ANK2: variants seen among roughly 807,000 people sequenced by gnomAD.
The protein encoded by ANK2 is ankyrin 2.
Under a neutral mutation model 360.5 loss-of-function variants are expected in ANK2, and 83 were observed. The ratio of observed to expected loss-of-function variants is 0.23; its 90% CI spans 0.19 to 0.28. The LOEUF is 0.28. ANK2 is among the 10% of genes least tolerant of loss of function. ANK2 has a pLI of 1.00. For synonymous variants in ANK2, 1,740 were observed against 1,759.5 expected (o/e 0.99, Z 0.28); for missense variants, 4,201 against 4,795.7 (o/e 0.88, Z 3.66).
At chr4:113,020,851 C>G (rs1290288103) in intron 2 of ANK2, among the ~76,000 whole-genome samples, 1 of 147,552 alleles carries the variant, frequency 6.8e-6, no homozygotes, top group African/African-American at 2.5e-5. Flanking sequence ...TCTACCAAAA[C>G]AAGAAAAGAG....
chr4:112,913,450 A>G (rs2151054542), intron 2 of ANK2, among the ~76,000 whole-genome samples: 1 of 152,334 alleles, frequency 6.6e-6, no homozygotes, highest in South Asian at 2.1e-4. Context: ...TAATGTTAAA[A>G]CAATTGATTT....
chr4:112,845,434 G>C (rs1255049212), intron 1 of ANK2, among the ~76,000 whole-genome samples: 1 of 151,752 alleles, frequency 6.6e-6, no homozygotes, highest in Non-Finnish European at 1.5e-5. Context: ...TTCTTCCTTA[G>C]GTTGCAATTT....
chr4:112,745,189 C>G, the ANK2 span, among the ~76,000 whole-genome samples: 1 of 152,174 alleles, frequency 6.6e-6, no homozygotes, highest in Non-Finnish European at 1.5e-5. Context: ...TACATACATT[C>G]ACCTATTATA....
chr4:113,138,071 C>CAT, intron 1 of ANK2, among the ~76,000 whole-genome samples: 1 of 152,134 alleles, frequency 6.6e-6, no homozygotes. Context: ...ACAAATGATA[C>CAT]ATATTCAGGG....
intron 2 of ANK2, among the ~76,000 whole-genome samples, chr4:113,015,457 C>T (rs548314199): frequency 5.3e-4 from 81 of 152,324 alleles, no homozygotes; most frequent in African/African-American, 1.9e-3. Flanking sequence ...TACCTTGCAG[C>T]TCTCTGTGCC....
At position 113,363,584 on chromosome 4, in the gene ANK2, A is replaced by T. The variant is rs1407426752; in HGVS notation, c.10888+115A>T. 4 of 1,126,164 alleles carry T rather than the reference A, an allele frequency of 3.6e-6. No homozygotes were observed. The East Asian group carries it at 7.1e-5, about 20-fold the overall frequency. 69.8% of individuals were successfully genotyped at this position (1,126,164 alleles called of 1,614,324 possible). On this transcript the variant is annotated intron_variant, in intron 40 of 45. Coordinates refer to ENST00000357077, the MANE Select transcript of ANK2 (RefSeq NM_001148.6). ...AGCAAATGCCATTAATCTGCAGTAC[A>T]GTGGGTCCTTGAGTAATATCATTTT...
chr4:113,320,042 C>T (rs2085203387), intron 26 of ANK2, among the ~76,000 whole-genome samples: 1 of 152,066 alleles, frequency 6.6e-6, no homozygotes, highest in Non-Finnish European at 1.5e-5. Context: ...CTTCAGTTTG[C>T]AAAATAAATC....
At chr4:113,160,786 A>G (rs1391737185) in intron 1 of ANK2, among the ~76,000 whole-genome samples, 1 of 152,202 alleles carries the variant, frequency 6.6e-6, no homozygotes, top group African/African-American at 2.4e-5. Context: ...CACAACATCT[A>G]GCACAGTGCT....
chr4:113,206,967 T>C (rs2098958106), intron 4 of ANK2, among the ~76,000 whole-genome samples: 1 of 152,122 alleles, frequency 6.6e-6, no homozygotes. Flanking sequence ...GAGGTTGCAG[T>C]GAGCTGAGAT....
chr4:112,935,222 A>G (rs2093632454), intron 2 of ANK2, among the ~76,000 whole-genome samples: 1 of 152,156 alleles, frequency 6.6e-6, no homozygotes, highest in South Asian at 2.1e-4. Context: ...AGGGTGCCAC[A>G]GGAGGGCTTC....
chr4:113,317,551 A>G, intron 24 of ANK2, 156 bp from the exon 25 acceptor site: 1 of 686,940 alleles, frequency 1.5e-6, no homozygotes, highest in Non-Finnish European at 2.7e-6. Flanking sequence ...CAGCTGTTGG[A>G]CAAAAAGGTA....
chr4:113,068,796 C>T (rs1266413605), intron 1 of ANK2, among the ~76,000 whole-genome samples: 1 of 152,170 alleles, frequency 6.6e-6, no homozygotes, highest in East Asian at 1.9e-4. Context: ...CATGGTGGCT[C>T]ATGCCTATAA....
intron 37 of ANK2, among the ~76,000 whole-genome samples, chr4:113,351,717 T>TA (rs36097202): frequency 0.095 from 13,978 of 147,768 alleles, 717 homozygotes; most frequent in Middle Eastern, 0.2. Context: ...GCTCAGTTGT[T>TA]AAAAAAAAAA....
At chr4:113,109,916 A>G (rs866378005) in intron 1 of ANK2, among the ~76,000 whole-genome samples, 2 of 152,208 alleles carry the variant, frequency 1.3e-5, no homozygotes, top group Admixed American at 6.5e-5. Flanking sequence ...AAGCTCAAAC[A>G]TGCTTTACCT....
intron 28 of ANK2, 60 bp downstream of exon 28, chr4:113,332,130 C>T (rs2092607037): frequency 7.1e-7 from 1 of 1,403,326 alleles, no homozygotes; most frequent in Non-Finnish European, 1.0e-6. Context: ...CCTTCTTCTG[C>T]AATATGATTT....
At chr4:113,121,098 T>C (rs1171439862) in intron 1 of ANK2, among the ~76,000 whole-genome samples, 1 of 152,156 alleles carries the variant, frequency 6.6e-6, no homozygotes, top group Non-Finnish European at 1.5e-5. Flanking sequence ...AGTTCACATT[T>C]TCTGAAAAAA....
At chr4:112,809,964 G>A in the ANK2 span, among the ~76,000 whole-genome samples, 2 of 151,368 alleles carry the variant, frequency 1.3e-5, no homozygotes, top group Admixed American at 6.6e-5. Context: ...AATAAATAGA[G>A]AGTATAACAA....
In ANK2 at chr4:113,282,698, T is replaced by C. The variant is rs1060504154; in HGVS notation, c.1905T>C (p.Ile635=). 3.1e-6 allele frequency: 5 copies of C among 1,613,536 alleles called. No individual in the cohort carries two copies. The highest frequency in any genetic ancestry group is 4.2e-6 in the Non-Finnish European group (5 of 1,179,664). ...AGAATGGCTATACTCCGTTACATAT[T>C]GCTGCCAAGAAGAATCAAATGCAGA... ...TAKNGYTPLH[I]AAKKNQMQIA... Residue 635 remains isoleucine (I), a synonymous_variant, in exon 18 of 46, where the codon ATT becomes ATC. Transcript: ENST00000357077.
chr4:113,367,457 T>C, intron 41 of ANK2, 109 bp from the exon 42 acceptor site: 1 of 1,022,470 alleles, frequency 9.8e-7, no homozygotes, highest in Non-Finnish European at 1.5e-6. Context: ...TCTCAGGATG[T>C]AGCACATTTA....
Sources: gnomAD v4.1 joint callset for allele counts (sites outside exome capture counted in the v4.1 genomes callset) on GRCh38, gnomAD v4.1.1 for gene constraint, MANE v1.5 for transcripts, NCBI Gene and HGNC (gene_info 2026-07-23, HGNC 2026-07-21) for gene names.